VHL: variants seen among roughly 807,000 people sequenced by gnomAD.
VHL encodes the protein von Hippel-Lindau disease tumor suppressor.
VHL carries 10 observed loss-of-function variants against 19.2 expected under a neutral mutation model. The ratio of observed to expected loss-of-function variants is 0.52; its 90% confidence interval spans 0.32 to 0.89. VHL has a LOEUF of 0.89. VHL is among the 40% of genes least tolerant of loss of function. The probability of loss-of-function intolerance (pLI) is 0.03; values close to 1 mark genes in which losing one functional copy is unlikely to be tolerated. For synonymous variants in VHL, 167 were observed against 129.5 expected (o/e 1.29, Z -1.97); for missense variants, 328 against 292.7 (o/e 1.12, Z -0.88).
Position 10,151,215 on chromosome 3 carries a change from G to T in VHL, c.*1250G>T, listed in dbSNP as rs1227088980. The stretch of plus-strand genomic sequence containing the variant: ...ATTTTTTATCAGGCAGGACCAGGTG[G>T]CACTTCCACCTCCAGCCTCTGGTCC... On this transcript the variant is annotated 3_prime_UTR_variant, in exon 3 of 3. Transcript: ENST00000256474. 3.0e-5 allele frequency: 6 copies of T among 202,280 alleles called. No individual in the cohort carries two copies. In the East Asian group the frequency reaches 3.8e-4, roughly 13 times the overall value. 12.5% of individuals were successfully genotyped at this position (202,280 alleles called of 1,614,324 possible).
chr3:10,146,865 G>T (rs1322308000), intron 2 of VHL, among the ~76,000 whole-genome samples: 1 of 152,144 alleles, frequency 6.6e-6, no homozygotes, highest in African/African-American at 2.4e-5. Flanking sequence ...AGAGACAAGC[G>T]AAATTAAAGT....
rs1345623222 is a variant in VHL, at chr3:10,150,537, T to A, written c.*572T>A. 3.5e-6 allele frequency: 1 copy of A among 286,256 alleles called. No individual in the cohort carries two copies. The highest frequency in any genetic ancestry group is 6.2e-6 in the Non-Finnish European group (1 of 161,036). 17.7% of individuals were successfully genotyped at this position (286,256 alleles called of 1,614,324 possible). ...AGAAAGTGCTTAGAGGTTCTGCCTC[T>A]ATTTTTGTTGGGGGGTGGGAGAGGG... is the stretch of plus-strand genomic sequence containing the variant. On this transcript the variant is annotated 3_prime_UTR_variant, in exon 3 of 3. Coordinates refer to ENST00000256474, the MANE Select transcript of VHL (RefSeq NM_000551.4).
chr3:10,143,275 C>T (rs186702263), intron 1 of VHL, among the ~76,000 whole-genome samples: 4 of 152,210 alleles, frequency 2.6e-5, no homozygotes, highest in East Asian at 1.9e-4. Context: ...GGATTACAGG[C>T]GTGCGCCACC....
chr3:10,145,748 T>G (rs1181178947), intron 1 of VHL, among the ~76,000 whole-genome samples: 2 of 152,030 alleles, frequency 1.3e-5, no homozygotes, highest in African/African-American at 4.8e-5. Flanking sequence ...CTGGTATAAT[T>G]TACATACAGT....
At chr3:10,144,830 T>A (rs779811) in intron 1 of VHL, among the ~76,000 whole-genome samples, 86,649 of 152,008 alleles carry the variant, frequency 0.57, 27,870 homozygotes, top group East Asian at 0.79. Context: ...TACATATGTA[T>A]ACATGTGCCA....
chr3:10,144,870 G>A (rs549897413), intron 1 of VHL, among the ~76,000 whole-genome samples: 64 of 151,872 alleles, frequency 4.2e-4, no homozygotes, highest in Non-Finnish European at 8.2e-4. Context: ...TAGAGACCTC[G>A]TCTTAAAAAA....
Position 10,150,053 on chromosome 3 carries a change from T to TA in VHL, c.*89dup, listed in dbSNP as rs1346851589. 1.9e-6 allele frequency: 3 copies of TA among 1,554,520 alleles called. No homozygotes were observed. Among genetic ancestry groups the TA allele is most frequent in the East Asian group, 4.8e-5 (2 of 41,304 alleles). The stretch of plus-strand genomic sequence containing the variant: ...CTAGATACAGGACTGGTTCCTTCCT[T>TA]AGTTTCAAAGTGTCTCATTCTCAGA... On this transcript the variant is annotated 3_prime_UTR_variant, in exon 3 of 3. Coordinates refer to ENST00000256474, the MANE Select transcript of VHL (RefSeq NM_000551.4).
intron 1 of VHL, 73 bp from the exon 2 acceptor site, chr3:10,146,441 T>A: frequency 1.2e-6 from 2 of 1,602,416 alleles, no homozygotes; most frequent in South Asian, 2.2e-5. Context: ...CCCAAAGTGC[T>A]GGGATTACAG....
chr3:10,147,264 C>A (rs1466061429), intron 2 of VHL, among the ~76,000 whole-genome samples: 1 of 152,130 alleles, frequency 6.6e-6, no homozygotes, highest in Non-Finnish European at 1.5e-5. Flanking sequence ...CCCGCCTACG[C>A]CTCCCAAAGT....
At chr3:10,148,638 T>G (rs1208283979) in intron 2 of VHL, among the ~76,000 whole-genome samples, 1 of 151,106 alleles carries the variant, frequency 6.6e-6, no homozygotes, top group African/African-American at 2.4e-5. Context: ...ACACATTGTT[T>G]TGGTTATGTG....
chr3:10,146,644 C>T lies in VHL; in HGVS notation c.463+8C>T, dbSNP rs5030834. The T allele has an allele frequency of 8.7e-4, 1,404 of 1,613,158 alleles. 1 individual carries two copies. The highest frequency in any genetic ancestry group is 1.2e-3 in the Non-Finnish European group (1,359 of 1,179,388). On this transcript the variant is annotated splice_region_variant and intron_variant, in intron 2 of 2. Coordinates refer to ENST00000256474, the MANE Select transcript of VHL (RefSeq NM_000551.4). Reference sequence around the variant, plus strand: ...CCAATATCACACTGCCAGGTACTGACGTTTTACTTTTTAAAAAGATAAGGT... The same window carrying T: ...CCAATATCACACTGCCAGGTACTGATGTTTTACTTTTTAAAAAGATAAGGT...
Position 10,141,997 on chromosome 3 carries a change from C to T in VHL, c.150C>T (p.Ala50=), listed in dbSNP as rs61751580. 1 of 1,578,602 alleles carries T rather than the reference C, an allele frequency of 6.3e-7. No individual in the cohort carries two copies. Among genetic ancestry groups the T allele is most frequent in the Non-Finnish European group, 8.6e-7 (1 of 1,163,930 alleles). ...AGTCCGGCCCGGAGGAACTGGGCGC[C>T]GAGGAGGAGATGGAGGCCGGGCGGC... ...PEESGPEELG[A]EEEMEAGRPR... The change falls in exon 1 of 3, where the codon GCC becomes GCT. Residue 50 remains alanine (A), a synonymous_variant. Transcript: ENST00000256474.
intron 2 of VHL, among the ~76,000 whole-genome samples, chr3:10,146,895 T>G (rs943062970): frequency 1.3e-5 from 2 of 152,202 alleles, no homozygotes; most frequent in Non-Finnish European, 2.9e-5. Flanking sequence ...TAGGTTAGTT[T>G]TGTAGAATTG....
At chr3:10,149,560 C>G (rs756110912) in intron 2 of VHL, among the ~76,000 whole-genome samples, 4 of 152,212 alleles carry the variant, frequency 2.6e-5, no homozygotes, top group Non-Finnish European at 4.4e-5. Flanking sequence ...AAAGCAATCA[C>G]AAGCCCAGCC....
Position 10,151,316 on chromosome 3 carries a change from G to A in VHL, c.*1351G>A, listed in dbSNP as rs905412506. On this transcript the variant is annotated 3_prime_UTR_variant, in exon 3 of 3. Transcript: ENST00000256474. ...TACAAATTCTTATAGGCTAGACTTA[G>A]ATTCATTAACTCAAATTCAATGCTT... is the stretch of plus-strand genomic sequence containing the variant. 14 of 213,890 alleles carry A rather than the reference G, an allele frequency of 6.5e-5. No homozygotes were observed. Among genetic ancestry groups the A allele is most frequent in the Non-Finnish European group, 1.2e-4 (13 of 106,004 alleles). The allele number at this position is 213,890 out of a possible 1,614,324, so 13.2% of individuals were successfully genotyped here.
At position 10,141,874 on chromosome 3, in the gene VHL, C is replaced by T. The variant is rs1017141110; in HGVS notation, c.27C>T (p.Asp9=). 4.6e-6 allele frequency: 7 copies of T among 1,534,086 alleles called. No individual in the cohort carries two copies. The South Asian group carries it at 4.9e-5, about 11-fold the overall frequency. ...TGCCCCGGAGGGCGGAGAACTGGGA[C>T]GAGGCCGAGGTAGGCGCGGAGGAGG... is the stretch of plus-strand genomic sequence containing the variant. MPRRAENW[D]EAEVGAEEAG... Residue 9 remains aspartate (D), a synonymous_variant, in exon 1 of 3, where the codon GAC becomes GAT. Coordinates refer to ENST00000256474, the MANE Select transcript of VHL (RefSeq NM_000551.4).
At chr3:10,146,457 G>A (rs541565291) in intron 1 of VHL, 57 bp from the exon 2 acceptor site, 2 of 1,606,884 alleles carry the variant, frequency 1.2e-6, no homozygotes, top group African/African-American at 1.3e-5. Context: ...TACAGGTGTG[G>A]GCCACCGTGC....
intron 2 of VHL, among the ~76,000 whole-genome samples, chr3:10,149,435 G>A (rs1696345455): frequency 6.6e-6 from 1 of 152,150 alleles, no homozygotes; most frequent in South Asian, 2.1e-4. Context: ...TCTTTATGTG[G>A]TCTCTCTAGC....
rs5030827 is a variant in VHL, at chr3:10,142,097, G to A, written c.250G>A (p.Val84Met). ...VIFCNRSPRV[V>M]LPVWLNFDGE... The stretch of plus-strand genomic sequence containing the variant: ...CTTCTGCAATCGCAGTCCGCGCGTC[G>A]TGCTGCCCGTATGGCTCAACTTCGA... Residue 84 changes from valine (V) to methionine (M), a missense_variant, in exon 1 of 3, where the codon GTG becomes ATG. By Grantham distance (21) the Val-to-Met change is conservative (BLOSUM62 1). Coordinates refer to ENST00000256474, the MANE Select transcript of VHL (RefSeq NM_000551.4). The A allele has an allele frequency of 6.2e-7, 1 of 1,604,028 alleles. No homozygotes were observed. The highest frequency in any genetic ancestry group is 8.5e-7 in the Non-Finnish European group (1 of 1,179,704).
Sources: gnomAD v4.1 joint callset for allele counts (sites outside exome capture counted in the v4.1 genomes callset) on GRCh38, gnomAD v4.1.1 for gene constraint, MANE v1.5 for transcripts, NCBI Gene and HGNC (gene_info 2026-07-23, HGNC 2026-07-21) for gene names.